NHSL1: variants seen among roughly 807,000 people sequenced by gnomAD.
NHSL1 encodes NHS like 1.
A neutral mutation model predicts 95.0 loss-of-function variants in NHSL1; 48 were observed. The observed-to-expected ratio is 0.51, with a 90% CI of 0.40 to 0.64. NHSL1 has a LOEUF of 0.64. Among genes scored for constraint, NHSL1 ranks in the 30% least tolerant of loss-of-function variants. The pLI is 0.00. For synonymous variants in NHSL1, 783 were observed against 833.9 expected (o/e 0.94, Z 1.05); for missense variants, 1,971 against 2,077.7 (o/e 0.95, Z 1.00).
At chr6:138,584,427 A>G (rs1784103828) in intron 1 of NHSL1, among the ~76,000 whole-genome samples, 1 of 152,180 alleles carries the variant, frequency 6.6e-6, no homozygotes, top group African/African-American at 2.4e-5. Flanking sequence ...ACACTTTTTT[A>G]CAGCCATGTG....
intron 1 of NHSL1, among the ~76,000 whole-genome samples, chr6:138,627,553 T>C (rs1237708354): frequency 6.6e-6 from 1 of 152,196 alleles, no homozygotes; most frequent in African/African-American, 2.4e-5. Flanking sequence ...TAAATTTTCA[T>C]AGTATTCAAA....
At chr6:138,553,029 T>A (rs1783067795) in intron 1 of NHSL1, among the ~76,000 whole-genome samples, 1 of 152,096 alleles carries the variant, frequency 6.6e-6, no homozygotes, top group African/African-American at 2.4e-5. Context: ...ATTACATCTT[T>A]CCAAAAGAAC....
chr6:138,469,863 G>A (rs1778640371), intron 3 of NHSL1, among the ~76,000 whole-genome samples: 1 of 152,170 alleles, frequency 6.6e-6, no homozygotes, highest in Non-Finnish European at 1.5e-5. Context: ...CTACGTTATA[G>A]TGGGTGGCAA....
intron 1 of NHSL1, among the ~76,000 whole-genome samples, chr6:138,584,058 G>A (rs1490983603): frequency 6.6e-6 from 1 of 152,166 alleles, no homozygotes; most frequent in African/African-American, 2.4e-5. Context: ...GTTTGAGGCT[G>A]CAGTGAGTTA....
chr6:138,476,923 CA>C (rs1779107041), intron 2 of NHSL1, among the ~76,000 whole-genome samples: 1 of 144,392 alleles, frequency 6.9e-6, no homozygotes, highest in Non-Finnish European at 1.5e-5. Context: ...ACAATATACC[CA>C]TGTAACAAAC....
At position 138,424,283 on chromosome 6, in the gene NHSL1, G is replaced by C; in HGVS notation, c.4619C>G (p.Ala1540Gly). ...GEAVEPVDSI[A>G]RGALGAAEGC... ...CTCCGCAGCGCCCAGAGCCCCGCGG[G>C]CTATGCTGTCCACAGGCTCCACGGC... Residue 1540 changes from alanine (A) to glycine (G), a missense_variant, in exon 8 of 8, where the codon GCC becomes GGC. Transcript: ENST00000343505. The surrounding 1 kb of genome is among the most constrained non-coding windows in gnomAD (Gnocchi z 5.9). 6.6e-7 allele frequency: 1 copy of C among 1,505,450 alleles called. No homozygotes were observed. Among genetic ancestry groups the C allele is most frequent in the Non-Finnish European group, 8.9e-7 (1 of 1,124,432 alleles). 93.3% of individuals were successfully genotyped at this position (1,505,450 alleles called of 1,614,324 possible).
At chr6:138,584,867 G>A (rs1003358096) in intron 1 of NHSL1, among the ~76,000 whole-genome samples, 25 of 152,020 alleles carry the variant, frequency 1.6e-4, no homozygotes, top group Admixed American at 1.0e-3. Flanking sequence ...CTTCCTAATC[G>A]TCCTCCTCCC....
At position 138,424,367 on chromosome 6, in the gene NHSL1, C is replaced by T; in HGVS notation, c.4535G>A (p.Ser1512Asn). Residue 1512 changes from serine to asparagine, a missense_variant, in exon 8 of 8, where the codon AGC becomes AAC. Around this residue, in one of 3 missense-constraint regions of NHSL1, gnomAD observed 223 missense variants for 217.0 expected, o/e 1.03. Transcript: ENST00000343505. This position sits in a 1 kb window ranked among gnomAD's most constrained non-coding sequence, Gnocchi z 5.9. Reference sequence around the variant, plus strand: ...GCTGCTCTGGATCCGGTTCCGCATGCTGTACCTGCTGCTGGCGGCAGAAGG... The same window carrying T: ...GCTGCTCTGGATCCGGTTCCGCATGTTGTACCTGCTGCTGGCGGCAGAAGG... ...TPPSAASSRY[S>N]MRNRIQSSPM... 6.5e-7 allele frequency: 1 copy of T among 1,549,268 alleles called. No homozygotes were observed.
intron 1 of NHSL1, among the ~76,000 whole-genome samples, chr6:138,654,505 T>C (rs1301149551): frequency 1.3e-5 from 2 of 152,198 alleles, no homozygotes; most frequent in Non-Finnish European, 2.9e-5. Flanking sequence ...ATACTTAAGG[T>C]ACAATCATAT....
intron 3 of NHSL1, among the ~76,000 whole-genome samples, chr6:138,465,388 A>ACTCTGAATGCCACCATCTC (rs1778294216): frequency 1.3e-5 from 2 of 152,028 alleles, no homozygotes; most frequent in Non-Finnish European, 2.9e-5. Flanking sequence ...CCATCTCCTA[A>ACTCTGAATGCCACCATCTC]CTAACTCCCT....
At position 138,424,739 on chromosome 6, in the gene NHSL1, G is replaced by A; in HGVS notation, c.4163C>T (p.Thr1388Ile). ...SRNHSPSPPV[T>I]PTGAAPSLAS... ...CAGGCTTGGGGCAGCGCCGGTGGGTGTCACGGGCGGGGAGGGAGAATGGTT... is the reference window on the plus strand; with the variant it reads ...CAGGCTTGGGGCAGCGCCGGTGGGTATCACGGGCGGGGAGGGAGAATGGTT... The change falls in exon 8 of 8, where the codon ACA becomes ATA. Residue 1388 changes from threonine (T) to isoleucine (I), a missense_variant. Around this residue, in one of 3 missense-constraint regions of NHSL1, gnomAD observed 146 missense variants for 206.3 expected, o/e 0.71. Transcript: ENST00000343505. The surrounding 1 kb of genome is among the most constrained non-coding windows in gnomAD (Gnocchi z 5.9). 1 of 1,551,044 alleles carries A rather than the reference G, an allele frequency of 6.4e-7. No individual in the cohort carries two copies. Among genetic ancestry groups the A allele is most frequent in the Non-Finnish European group, 8.7e-7 (1 of 1,146,422 alleles).
chr6:138,502,225 G>A (rs778117876), upstream of NHSL1, among the ~76,000 whole-genome samples: 3 of 152,146 alleles, frequency 2.0e-5, no homozygotes, highest in Non-Finnish European at 4.4e-5. Flanking sequence ...ATATTAAGTT[G>A]TATTTTGAAA....
In NHSL1 at chr6:138,541,635, A is replaced by C. The variant is rs571379742; in HGVS notation, c.16+3988T>G. 1.9e-3 allele frequency among the ~76,000 whole-genome samples: 287 copies of C among 152,314 alleles called. 1 individual carries two copies. The highest frequency in any genetic ancestry group is 9.0e-4 in the Non-Finnish European group (61 of 68,028). On this transcript the variant is annotated intron_variant, in intron 1 of 4. Coordinates refer to the NHSL1 transcript ENST00000342260. Reference sequence around the variant, plus strand: ...CTGAGCTATCTAATGCAACTGTTTAAATTTTTGGCTCACACTGAGTTGACT... The same window carrying C: ...CTGAGCTATCTAATGCAACTGTTTACATTTTTGGCTCACACTGAGTTGACT...
At chr6:138,510,720 A>G (rs76599426) in intron 1 of NHSL1, among the ~76,000 whole-genome samples, 9,150 of 152,238 alleles carry the variant, frequency 0.06, 310 homozygotes, top group African/African-American at 0.083. Context: ...TATAACCTCA[A>G]TTTTTCATAT....
intron 1 of NHSL1, among the ~76,000 whole-genome samples, chr6:138,614,513 T>C (rs1784553602): frequency 6.6e-6 from 1 of 152,214 alleles, no homozygotes; most frequent in African/African-American, 2.4e-5. Flanking sequence ...GTGCTTACTA[T>C]ACAAGCAGGC....
intron 3 of NHSL1, among the ~76,000 whole-genome samples, chr6:138,466,047 G>GGGC (rs1554229064): frequency 1.4e-5 from 2 of 146,522 alleles, no homozygotes; most frequent in East Asian, 2.1e-4. Flanking sequence ...TTTTTGGGGG[G>GGGC]GGGGCAGGGG....
chr6:138,487,473 T>C (rs565382620), intron 2 of NHSL1, among the ~76,000 whole-genome samples: 13 of 152,352 alleles, frequency 8.5e-5, no homozygotes, highest in Non-Finnish European at 7.3e-5. Flanking sequence ...GTGCTTCACT[T>C]GCAGTATGCA....
chr6:138,680,511 T>G (rs1329073035), intron 1 of NHSL1, among the ~76,000 whole-genome samples: 1 of 152,232 alleles, frequency 6.6e-6, no homozygotes, highest in Non-Finnish European at 1.5e-5. Context: ...GCAATTCACA[T>G]TTAGCATGTG....
At chr6:138,569,351 CT>C (rs1783739540) in intron 1 of NHSL1, among the ~76,000 whole-genome samples, 1 of 151,802 alleles carries the variant, frequency 6.6e-6, no homozygotes, top group Non-Finnish European at 1.5e-5. Context: ...TTTTGGCAAT[CT>C]GTGTAAATCA....
Sources: gnomAD v4.1 joint callset for allele counts (sites outside exome capture counted in the v4.1 genomes callset) on GRCh38, gnomAD v4.1.1 for gene constraint, gnomAD v4.1.1 regional missense constraint, Gnocchi (gnomAD v3.1) non-coding constraint, MANE v1.5 for transcripts, NCBI Gene and HGNC (gene_info 2026-07-23, HGNC 2026-07-21) for gene names.